IST1: variants seen among roughly 807,000 people sequenced by gnomAD.
IST1 encodes IST1 homolog.
A neutral mutation model predicts 37.0 loss-of-function variants in IST1; 23 were observed. The ratio of observed to expected loss-of-function variants is 0.62; its 90% CI spans 0.45 to 0.88. The LOEUF (loss-of-function observed/expected upper bound fraction) is 0.88. Among genes scored for constraint, IST1 ranks in the 40% least tolerant of loss-of-function variants. The pLI is 0.00. For missense variants in IST1, 488 were observed against 445.4 expected (o/e 1.10, Z -0.86); for synonymous variants, 180 against 161.7 (o/e 1.11, Z -0.86).
At chr16:71,920,702 G>A (rs771191653) in intron 4 of IST1, 37 bp from the exon 5 acceptor site, 2 of 1,436,028 alleles carry the variant, frequency 1.4e-6, no homozygotes, top group Non-Finnish European at 2.0e-6. Flanking sequence ...CCGTTGGAGT[G>A]GTCTCTATTT....
chr16:71,912,683 C>G (rs1314125723), intron 1 of IST1, among the ~76,000 whole-genome samples: 4 of 152,314 alleles, frequency 2.6e-5, no homozygotes, highest in East Asian at 3.9e-4. Flanking sequence ...AGTGTGTACT[C>G]ACATCGTTGT....
At chr16:71,918,643 C>T (rs2037516223) in intron 4 of IST1, among the ~76,000 whole-genome samples, 1 of 152,134 alleles carries the variant, frequency 6.6e-6, no homozygotes, top group South Asian at 2.1e-4. Flanking sequence ...GTCTCGAACT[C>T]CTGACCTCGT....
chr16:71,920,513 A>G (rs1007920859), intron 4 of IST1, among the ~76,000 whole-genome samples: 6 of 152,198 alleles, frequency 3.9e-5, no homozygotes, highest in African/African-American at 1.4e-4. Context: ...CATTTTATTT[A>G]TATTGTATAA....
chr16:71,895,153 G>A (rs931311143), upstream of IST1: 2 of 267,542 alleles, frequency 7.5e-6, no homozygotes, highest in South Asian at 9.1e-5. Context: ...AACTCCCGGC[G>A]TCAGAGAGGC....
chr16:71,901,875 A>T (rs1435564433), intron 1 of IST1, among the ~76,000 whole-genome samples: 1 of 152,360 alleles, frequency 6.6e-6, no homozygotes, highest in East Asian at 1.9e-4. Flanking sequence ...CGTTCTAGGC[A>T]GTATGTAAGA....
In IST1 at chr16:71,916,638, A is replaced by G. The variant is rs759037507; in HGVS notation, c.265A>G (p.Met89Val). 8.1e-6 allele frequency: 13 copies of G among 1,606,080 alleles called. No homozygotes were observed. Among genetic ancestry groups the G allele is most frequent in the Admixed American group, 1.7e-5 (1 of 57,772 alleles). ...LLARFGLIQS[M>V]KELDSGLAES... Reference sequence around the variant, plus strand: ...GGCTCGGTTTGGCCTTATCCAGTCTATGAAGTAAGATATTTTGATTCAGAG... The same window carrying G: ...GGCTCGGTTTGGCCTTATCCAGTCTGTGAAGTAAGATATTTTGATTCAGAG... The change falls in exon 3 of 10, where the codon ATG (methionine) becomes GTG (valine). Residue 89 changes from methionine (M) to valine (V), a missense_variant. Coordinates refer to ENST00000378799, the MANE Select transcript of IST1 (RefSeq NM_001270975.2).
chr16:71,923,534 C>T (rs2037661694), intron 8 of IST1, 154 bp downstream of exon 8: 3 of 482,456 alleles, frequency 6.2e-6, no homozygotes, highest in Non-Finnish European at 3.7e-6. Context: ...TAACACTACC[C>T]TGGAAATGTG....
chr16:71,912,949 C>G (rs1481830971), intron 1 of IST1, among the ~76,000 whole-genome samples: 1 of 152,194 alleles, frequency 6.6e-6, no homozygotes, highest in Non-Finnish European at 1.5e-5. Flanking sequence ...CTTTCTAAGG[C>G]TGATTAGTAC....
At chr16:71,926,346 CAT>C (rs1350999570) in intron 9 of IST1, among the ~76,000 whole-genome samples, 33 of 151,340 alleles carry the variant, frequency 2.2e-4, no homozygotes, top group East Asian at 1.4e-3. Context: ...TAAAAAAACT[CAT>C]AGTTTTTTTT....
In IST1 at chr16:71,921,449, T is replaced by G. The variant is rs754021877; in HGVS notation, c.548T>G (p.Val183Gly). Residue 183 changes from valine (V) to glycine (G), a missense_variant, in exon 6 of 10, where the codon GTC becomes GGC. Physicochemically the swap from Val to Gly is moderately radical, Grantham distance 109 (BLOSUM62 -3). Transcript: ENST00000378799. Reference sequence around the variant, plus strand: ...GTACCCTATGAACCTGACTCTGTGGTCATGGTAAGTTTATCCCAGAATACA... The same window carrying G: ...GTACCCTATGAACCTGACTCTGTGGGCATGGTAAGTTTATCCCAGAATACA... ...YNVPYEPDSVVMAEAPPGVET... is the reference protein window; with the variant it reads ...YNVPYEPDSVGMAEAPPGVET... The G allele has an allele frequency of 1.4e-5, 22 of 1,586,942 alleles. No individual in the cohort carries two copies. The South Asian group carries it at 2.2e-4, about 16-fold the overall frequency.
At position 71,924,758 on chromosome 16, in the gene IST1, T is replaced by C. The variant is rs994653740; in HGVS notation, c.853-11T>C. ...TTGCTGTCTCCTCTGGTAACAATCT[T>C]TGTGTTTCAGGTAGATGACATTAAT... On this transcript the variant is annotated splice_polypyrimidine_tract_variant and intron_variant, in intron 8 of 9. Transcript: ENST00000378799. 8.7e-6 allele frequency: 14 copies of C among 1,600,412 alleles called. No individual in the cohort carries two copies. The highest frequency in any genetic ancestry group is 1.2e-5 in the Non-Finnish European group (14 of 1,167,394).
At chr16:71,901,348 G>A (rs1173115328) in intron 1 of IST1, among the ~76,000 whole-genome samples, 1 of 151,968 alleles carries the variant, frequency 6.6e-6, no homozygotes, top group Non-Finnish European at 1.5e-5. Context: ...CAAATAGCTG[G>A]GACTACAGGC....
intron 1 of IST1, among the ~76,000 whole-genome samples, chr16:71,912,361 C>T (rs1406939407): frequency 2.0e-5 from 3 of 152,200 alleles, no homozygotes; most frequent in East Asian, 3.9e-4. Context: ...CCTCAGCCTC[C>T]TGAGAAGCTG....
At chr16:71,910,372 C>T (rs191318565) in intron 1 of IST1, among the ~76,000 whole-genome samples, 5 of 151,868 alleles carry the variant, frequency 3.3e-5, no homozygotes, top group East Asian at 1.9e-4. Flanking sequence ...TTTGGGAGGC[C>T]GAGGCAGGCG....
intron 1 of IST1, among the ~76,000 whole-genome samples, chr16:71,908,031 G>A (rs1353158364): frequency 1.3e-5 from 2 of 152,018 alleles, no homozygotes; most frequent in African/African-American, 4.8e-5. Flanking sequence ...TTCACCGTCC[G>A]CCTCCCGGGT....
chr16:71,927,527 GT>G, intron 9 of IST1, 86 bp from the exon 10 acceptor site: 1 of 949,042 alleles, frequency 1.1e-6, no homozygotes, highest in South Asian at 1.4e-5. Flanking sequence ...GTTTTCTCCT[GT>G]GTTTTGATCA....
At chr16:71,921,176 G>A (rs2037571771) in intron 5 of IST1, 167 bp from the exon 6 acceptor site, 2 of 607,714 alleles carry the variant, frequency 3.3e-6, no homozygotes, top group South Asian at 4.0e-5. Flanking sequence ...GAGAGACTTG[G>A]GTCCTCTGAT....
intron 9 of IST1, among the ~76,000 whole-genome samples, chr16:71,925,853 G>A (rs1401543918): frequency 6.6e-6 from 1 of 152,112 alleles, no homozygotes; most frequent in East Asian, 1.9e-4. Context: ...TACTCAAGAG[G>A]CGTTCTTAGC....
intron 7 of IST1, 84 bp from the exon 8 acceptor site, chr16:71,923,204 A>ATTTC: frequency 1.4e-6 from 1 of 700,974 alleles, no homozygotes; most frequent in Non-Finnish European, 2.5e-6. Context: ...ATATAAATGT[A>ATTTC]TTTCTTTCTC....
Sources: allele counts gnomAD v4.1 joint callset (sites outside exome capture counted in the v4.1 genomes callset), GRCh38; gene constraint gnomAD v4.1.1; transcripts MANE v1.5; gene names NCBI Gene and HGNC (gene_info 2026-07-23, HGNC 2026-07-21).